Variants in B4GALT4 observed in about 807,000 individuals in gnomAD.
B4GALT4 encodes the protein beta-1,4-galactosyltransferase 4.
In B4GALT4, 27 loss-of-function variants were observed where a neutral mutation model predicts 37.3. The ratio of observed to expected loss-of-function variants is 0.72; its 90% confidence interval spans 0.53 to 1.00. The LOEUF (loss-of-function observed/expected upper bound fraction) is 1.00. B4GALT4 is among the 50% of genes least tolerant of loss of function. The pLI, the probability that B4GALT4 is intolerant of heterozygous loss-of-function variation, is 0.00. For missense variants in B4GALT4, 372 were observed against 413.1 expected, an observed-to-expected ratio of 0.90 and a Z score of 0.86; for synonymous variants, 148 against 154.1, an observed-to-expected ratio of 0.96 and a Z score of 0.29.
chr3:119,222,371 T>C (rs1449147072), intron 5 of B4GALT4, among the ~76,000 whole-genome samples: 7 of 152,040 alleles, frequency 4.6e-5, no homozygotes, highest in Non-Finnish European at 7.4e-5. Flanking sequence ...GATCCAAAGA[T>C]CAAGTTTCCC....
chr3:119,234,545 T>A (rs146211855), intron 2 of B4GALT4, among the ~76,000 whole-genome samples: 1 of 152,236 alleles, frequency 6.6e-6, no homozygotes, highest in Non-Finnish European at 1.5e-5. Flanking sequence ...AACTCTGTAA[T>A]TTCCATTTTT....
At chr3:119,229,760 T>G in intron 3 of B4GALT4, 87 bp downstream of exon 3, 70 of 1,355,918 alleles carry the variant, frequency 5.2e-5, no homozygotes, top group Non-Finnish European at 6.7e-5. Context: ...ATGGGGTACA[T>G]GAGATGTTTT....
Position 119,226,800 on chromosome 3 carries a change from C to A in B4GALT4, c.486+9G>T, listed in dbSNP as rs538832333. On this transcript the variant is annotated intron_variant, in intron 4 of 7. Transcript: ENST00000393765. ...TCGAGGGCAGGCCCTGGTCTGCCCCCACGCTCACCTGGTGGATGACGTAGA... is the reference window on the plus strand; with the variant it reads ...TCGAGGGCAGGCCCTGGTCTGCCCCAACGCTCACCTGGTGGATGACGTAGA... The A allele has an allele frequency of 1.2e-6, 2 of 1,611,150 alleles. No homozygotes were observed. Among genetic ancestry groups the A allele is most frequent in the Non-Finnish European group, 8.5e-7 (1 of 1,178,870 alleles).
chr3:119,222,251 G>A (rs4314161), intron 5 of B4GALT4, among the ~76,000 whole-genome samples: 114,416 of 152,078 alleles, frequency 0.75, 43,411 homozygotes, highest in African/African-American at 0.85. Flanking sequence ...GTGAACAGAT[G>A]GTGACATGCT....
In B4GALT4 at chr3:119,224,204, C is replaced by G; in HGVS notation, c.528G>C (p.Val176=). The part of the protein sequence containing the change: ...KKFNRAKLLN[V]GYLEALKEEN... ...CTTCCTTGAGGGCTTCTAGATAGCC[C>G]ACATTCAAGAGTTTGGCTCGATTAA... The change falls in exon 5 of 8, where the codon GTG becomes GTC. Residue 176 remains valine (V), a synonymous_variant. Transcript: ENST00000393765. 1 of 1,612,606 alleles carries G rather than the reference C, an allele frequency of 6.2e-7. No individual in the cohort carries two copies. Among genetic ancestry groups the G allele is most frequent in the Non-Finnish European group, 8.5e-7 (1 of 1,179,512 alleles).
At chr3:119,220,294 C>G (rs186320197) in intron 5 of B4GALT4, among the ~76,000 whole-genome samples, 1 of 152,328 alleles carries the variant, frequency 6.6e-6, no homozygotes, top group East Asian at 1.9e-4. Flanking sequence ...TTCTTAGCTG[C>G]CTGAACACCA....
At chr3:119,229,489 C>T (rs1235606348) in intron 3 of B4GALT4, among the ~76,000 whole-genome samples, 1 of 152,142 alleles carries the variant, frequency 6.6e-6, no homozygotes, top group African/African-American at 2.4e-5. Flanking sequence ...CGTATGCTTC[C>T]GATTTGTAAA....
chr3:119,221,192 A>G (rs2078439747), intron 5 of B4GALT4, among the ~76,000 whole-genome samples: 1 of 152,178 alleles, frequency 6.6e-6, no homozygotes, highest in South Asian at 2.1e-4. Flanking sequence ...GAATCCTTGT[A>G]GGAAGGAGGC....
In B4GALT4 at chr3:119,211,890, T is replaced by C. The variant is rs1205368165; in HGVS notation, c.*659A>G. 1 of 454,432 alleles carries C rather than the reference T, an allele frequency of 2.2e-6. No individual in the cohort carries two copies. Among genetic ancestry groups the C allele is most frequent in the Admixed American group, 3.7e-5 (1 of 27,138 alleles). The allele number at this position is 454,432 out of a possible 1,614,324, so 28.1% of individuals were successfully genotyped here. Reference sequence around the variant, plus strand: ...AACTAATAGAGAATGTATTCTCTGGTGGGCATCACTGGAAGGCATACCTGG... The same window carrying C: ...AACTAATAGAGAATGTATTCTCTGGCGGGCATCACTGGAAGGCATACCTGG... On this transcript the variant is annotated 3_prime_UTR_variant, in exon 8 of 8. Coordinates refer to ENST00000393765, the MANE Select transcript of B4GALT4 (RefSeq NM_003778.4).
intron 5 of B4GALT4, 151 bp downstream of exon 5, chr3:119,223,907 C>T (rs959232143): frequency 5.9e-6 from 4 of 681,888 alleles, no homozygotes; most frequent in Non-Finnish European, 8.7e-6. Context: ...CATTCTCTAA[C>T]TTCTGTTTTG....
At chr3:119,235,871 T>C (rs985581041) in intron 2 of B4GALT4, among the ~76,000 whole-genome samples, 1 of 152,044 alleles carries the variant, frequency 6.6e-6, no homozygotes, top group African/African-American at 2.4e-5. Flanking sequence ...GACTATCCAC[T>C]AGTCTACACT....
chr3:119,235,458 G>C (rs1022551495), intron 2 of B4GALT4, among the ~76,000 whole-genome samples: 2 of 152,182 alleles, frequency 1.3e-5, no homozygotes, highest in Non-Finnish European at 2.9e-5. Flanking sequence ...CAGACACAGG[G>C]CATGTGAGTG....
intron 6 of B4GALT4, among the ~76,000 whole-genome samples, chr3:119,218,203 G>A (rs1419502401): frequency 6.6e-6 from 1 of 152,196 alleles, no homozygotes; most frequent in Non-Finnish European, 1.5e-5. Flanking sequence ...CGCTTGAGGA[G>A]AGGACCTCTT....
chr3:119,226,560 G>A, intron 4 of B4GALT4: 1 of 491,822 alleles, frequency 2.0e-6, no homozygotes, highest in South Asian at 2.3e-5. Context: ...AACATGGAAG[G>A]GCTCACAAAA....
At chr3:119,216,627 C>T (rs2078301512) in intron 6 of B4GALT4, among the ~76,000 whole-genome samples, 1 of 152,034 alleles carries the variant, frequency 6.6e-6, no homozygotes, top group Admixed American at 6.5e-5. Flanking sequence ...TTAGTTTATA[C>T]TTAGTCATTT....
At position 119,212,358 on chromosome 3, in the gene B4GALT4, A is replaced by G; in HGVS notation, c.*191T>C. 3 of 643,328 alleles carry G rather than the reference A, an allele frequency of 4.7e-6. No homozygotes were observed. The allele number at this position is 643,328 out of a possible 1,614,324, so 39.9% of individuals were successfully genotyped here. On this transcript the variant is annotated 3_prime_UTR_variant, in exon 8 of 8. Coordinates refer to ENST00000393765, the MANE Select transcript of B4GALT4 (RefSeq NM_003778.4). ...ACCCTCATGATCAAAATGACTAAGA[A>G]AGCTGTCTTGTTACAACTGTTTTAT... is the stretch of plus-strand genomic sequence containing the variant.
intron 2 of B4GALT4, among the ~76,000 whole-genome samples, chr3:119,233,825 C>G (rs1353201044): frequency 6.6e-6 from 1 of 152,164 alleles, no homozygotes; most frequent in African/African-American, 2.4e-5. Flanking sequence ...ACCTATCTTT[C>G]TAAGTCTAAG....
intron 4 of B4GALT4, among the ~76,000 whole-genome samples, chr3:119,224,846 T>A (rs1035503286): frequency 3.3e-5 from 5 of 152,124 alleles, no homozygotes; most frequent in African/African-American, 9.7e-5. Flanking sequence ...CAAAAAAAAA[T>A]TTTCTCTTAA....
At position 119,211,869 on chromosome 3, in the gene B4GALT4, A is replaced by G. The variant is rs2078170778; in HGVS notation, c.*680T>C. 1 of 389,648 alleles carries G rather than the reference A, an allele frequency of 2.6e-6. No homozygotes were observed. The highest frequency in any genetic ancestry group is 4.6e-6 in the Non-Finnish European group (1 of 218,224). 24.1% of individuals were successfully genotyped at this position (389,648 alleles called of 1,614,324 possible). Reference sequence around the variant, plus strand: ...ATTTTACAAAAACTCTTTAAAAACTAATAGAGAATGTATTCTCTGGTGGGC... The same window carrying G: ...ATTTTACAAAAACTCTTTAAAAACTGATAGAGAATGTATTCTCTGGTGGGC... On this transcript the variant is annotated 3_prime_UTR_variant, in exon 8 of 8. Coordinates refer to ENST00000393765, the MANE Select transcript of B4GALT4 (RefSeq NM_003778.4).
Sources: gnomAD v4.1 joint callset for allele counts (sites outside exome capture counted in the v4.1 genomes callset) on GRCh38, gnomAD v4.1.1 for gene constraint, MANE v1.5 for transcripts, NCBI Gene and HGNC (gene_info 2026-07-23, HGNC 2026-07-21) for gene names.